The following SOX5 variants were observed in gnomAD, a reference collection of about 807,000 sequenced individuals.
The protein encoded by SOX5 is SRY-box transcription factor 5, also known as transcription factor SOX-5.
SOX5 carries 9 observed loss-of-function variants against 92.0 expected under a neutral mutation model. That is an observed-to-expected ratio of 0.10 (90% CI 0.06 to 0.17). The LOEUF is 0.17. Ranked by LOEUF, SOX5 falls within the 10% of genes least tolerant of loss-of-function variation. The probability of loss-of-function intolerance (pLI) is 1.00; values close to 1 mark genes in which losing one functional copy is unlikely to be tolerated. For missense variants in SOX5, 642 were observed against 944.5 expected (o/e 0.68, Z 4.20); for synonymous variants, 344 against 336.3 (o/e 1.02, Z -0.25).
chr12:24,088,140 T>C (rs1324741234), intron 4 of SOX5, among the ~76,000 whole-genome samples: 5 of 151,456 alleles, frequency 3.3e-5, no homozygotes, highest in Non-Finnish European at 4.4e-5. Context: ...ATCTCATCTT[T>C]AAAAAAAAAT....
At chr12:23,936,812 T>C (rs1470920097) in intron 1 of SOX5, among the ~76,000 whole-genome samples, 1 of 151,096 alleles carries the variant, frequency 6.6e-6, no homozygotes, top group Admixed American at 6.6e-5. Context: ...TTTCAACATA[T>C]AATCAACATT....
intron 1 of SOX5, among the ~76,000 whole-genome samples, chr12:24,505,831 G>GTGTC (rs1489996953): frequency 7.3e-6 from 1 of 136,382 alleles, no homozygotes; most frequent in Non-Finnish European, 1.6e-5. Flanking sequence ...GGCTTGGTAT[G>GTGTC]TGTGTGTGTG....
chr12:24,538,598 AACACACACAC>A (rs60114784), intron 1 of SOX5, among the ~76,000 whole-genome samples: 16,803 of 143,786 alleles, frequency 0.12, 3,054 homozygotes, highest in African/African-American at 0.39. Flanking sequence ...GCTGGATCTA[AACACACACAC>A]ACACACACAC....
chr12:24,538,031 CTACCA>C (rs1951790313), intron 1 of SOX5, among the ~76,000 whole-genome samples: 1 of 152,138 alleles, frequency 6.6e-6, no homozygotes, highest in Non-Finnish European at 1.5e-5. Context: ...TACTACTATC[CTACCA>C]TCCTCCGATG....
intron 3 of SOX5, among the ~76,000 whole-genome samples, chr12:24,223,777 A>T (rs897895430): frequency 6.6e-6 from 1 of 152,044 alleles, no homozygotes; most frequent in African/African-American, 2.4e-5. Context: ...AAACAAAAAC[A>T]AAAAACAACA....
chr12:24,480,012 T>A (rs574288596), intron 1 of SOX5, among the ~76,000 whole-genome samples: 1 of 152,182 alleles, frequency 6.6e-6, no homozygotes, highest in African/African-American at 2.4e-5. Flanking sequence ...TTATTTGATA[T>A]GTATTAAGCA....
intron 11 of SOX5, among the ~76,000 whole-genome samples, chr12:23,549,828 A>AAAAC (rs1943853455): frequency 6.6e-6 from 1 of 151,972 alleles, no homozygotes; most frequent in Non-Finnish European, 1.5e-5. Flanking sequence ...ACATTAGGTT[A>AAAAC]AGTCTGTTTA....
intron 4 of SOX5, among the ~76,000 whole-genome samples, chr12:24,058,538 T>C (rs1176514224): frequency 6.6e-6 from 1 of 152,208 alleles, no homozygotes; most frequent in Admixed American, 6.5e-5. Context: ...TTTTCTTTGC[T>C]GGTAAGTTAG....
intron 4 of SOX5, among the ~76,000 whole-genome samples, chr12:23,988,049 T>C (rs1442052075): frequency 6.6e-6 from 1 of 152,166 alleles, no homozygotes; most frequent in East Asian, 1.9e-4. Context: ...CTTAGCATTA[T>C]CTTTTGGGGA....
At chr12:23,777,920 T>G (rs1483276954) in intron 3 of SOX5, among the ~76,000 whole-genome samples, 1 of 152,338 alleles carries the variant, frequency 6.6e-6, no homozygotes, top group Non-Finnish European at 1.5e-5. Flanking sequence ...CTCTCATGGT[T>G]TGAGCATCTC....
chr12:23,830,525 T>C (rs2096298990), intron 3 of SOX5, among the ~76,000 whole-genome samples: 2 of 152,166 alleles, frequency 1.3e-5, no homozygotes, highest in African/African-American at 4.8e-5. Flanking sequence ...CTCTTCAACA[T>C]GTACTTTGTC....
At chr12:24,134,753 G>T (rs950480058) in intron 4 of SOX5, among the ~76,000 whole-genome samples, 7 of 152,266 alleles carry the variant, frequency 4.6e-5, no homozygotes, top group Admixed American at 2.6e-4. Context: ...GGCAAAGAAA[G>T]CTGCCCAAAG....
At chr12:23,724,136 C>T (rs1387873266) in intron 6 of SOX5, among the ~76,000 whole-genome samples, 1 of 152,112 alleles carries the variant, frequency 6.6e-6, no homozygotes, top group Non-Finnish European at 1.5e-5. Flanking sequence ...ATAGATTTAA[C>T]TCAGTTTGAA....
At position 23,612,943 on chromosome 12, in the gene SOX5, A is replaced by T. The variant is rs543566933; in HGVS notation, c.1018-8410T>A. 2.0e-5 allele frequency among the ~76,000 whole-genome samples: 3 copies of T among 152,322 alleles called. No homozygotes were observed. The South Asian group carries it at 6.2e-4, about 32-fold the overall frequency. On this transcript the variant is annotated intron_variant, in intron 8 of 14. Coordinates refer to ENST00000451604, the MANE Select transcript of SOX5 (RefSeq NM_006940.6). The stretch of plus-strand genomic sequence containing the variant: ...ACTAATGTACTGGAGAAAATCTTTC[A>T]AAACACAGCAGCATGTTTCAGTATG...
chr12:23,923,399 A>G (rs1443076521), intron 1 of SOX5, among the ~76,000 whole-genome samples: 1 of 152,210 alleles, frequency 6.6e-6, no homozygotes, highest in Non-Finnish European at 1.5e-5. Context: ...GCTAGAGACT[A>G]GAATGCAAGG....
chr12:24,247,824 T>C (rs112320527), intron 3 of SOX5, among the ~76,000 whole-genome samples: 57 of 151,998 alleles, frequency 3.8e-4, no homozygotes, highest in African/African-American at 1.2e-3. Flanking sequence ...CTAATTTTTT[T>C]TGTATTTTTA....
intron 1 of SOX5, among the ~76,000 whole-genome samples, chr12:24,440,465 T>C (rs1005368572): frequency 1.3e-5 from 2 of 152,128 alleles, no homozygotes; most frequent in Non-Finnish European, 2.9e-5. Context: ...CCCTGTTTCA[T>C]TGCCATGGTT....
At chr12:24,274,281 C>T (rs1337678240) in intron 3 of SOX5, among the ~76,000 whole-genome samples, 1 of 152,114 alleles carries the variant, frequency 6.6e-6, no homozygotes, top group African/African-American at 2.4e-5. Context: ...TCTTAATACA[C>T]TTCAAGATTA....
chr12:23,912,552 A>G (rs528767998), intron 1 of SOX5, among the ~76,000 whole-genome samples: 16 of 152,236 alleles, frequency 1.1e-4, no homozygotes, highest in Admixed American at 3.9e-4. Context: ...ACATAACAGC[A>G]TTATTCATAA....
Sources: gnomAD v4.1 joint callset for allele counts (sites outside exome capture counted in the v4.1 genomes callset) on GRCh38, gnomAD v4.1.1 for gene constraint, MANE v1.5 for transcripts, NCBI Gene and HGNC (gene_info 2026-07-23, HGNC 2026-07-21) for gene names.